Variants in WRN observed in about 807,000 individuals in gnomAD.
WRN encodes the protein WRN RecQ like helicase, also known as bifunctional 3'-5' exonuclease/ATP-dependent helicase WRN.
In WRN, 149 loss-of-function variants were observed where a neutral mutation model predicts 180.7. That is an observed-to-expected ratio of 0.82 (90% CI 0.72 to 0.94). WRN has a LOEUF of 0.94. Ranked by LOEUF, WRN falls within the 40% of genes least tolerant of loss-of-function variation. WRN has a pLI of 0.00. For synonymous variants in WRN, 548 were observed against 568.9 expected, an observed-to-expected ratio of 0.96 and a Z score of 0.52; for missense variants, 1,661 against 1,700.1, an observed-to-expected ratio of 0.98 and a Z score of 0.40.
At chr8:31,134,951 A>G (rs1440993133) in intron 24 of WRN, among the ~76,000 whole-genome samples, 1 of 152,168 alleles carries the variant, frequency 6.6e-6, no homozygotes, top group African/African-American at 2.4e-5. Flanking sequence ...CTGAAGCTCT[A>G]AAGTTGCAGC....
chr8:31,174,844 C>CCTCT lies in WRN; in HGVS notation c.*1745_*1746insTCTC, dbSNP rs1804228600. 7.3e-6 allele frequency among the ~76,000 whole-genome samples: 1 copy of CCTCT among 137,624 alleles called. No homozygotes were observed. The highest frequency in any genetic ancestry group is 1.6e-5 in the Non-Finnish European group (1 of 62,892). 90.3% of individuals were successfully genotyped at this position (137,624 alleles called of 152,430 possible). On this transcript the variant is annotated 3_prime_UTR_variant, in exon 35 of 35. Transcript: ENST00000298139. Reference sequence around the variant, plus strand: ...TCCTCCCTCCCTCCCTCCCTCCCTCCCTCCCTCCTTTCTTTTTCTTTCTCT... The same window carrying CCTCT: ...TCCTCCCTCCCTCCCTCCCTCCCTCCCTCTCTCCCTCCTTTCTTTTTCTTTCTCT...
At chr8:31,130,204 T>C (rs1011415902) in intron 23 of WRN, among the ~76,000 whole-genome samples, 1 of 151,950 alleles carries the variant, frequency 6.6e-6, no homozygotes, top group African/African-American at 2.4e-5. Flanking sequence ...AGAGGCAACA[T>C]TGAATAGTAC....
intron 18 of WRN, among the ~76,000 whole-genome samples, chr8:31,104,047 T>C (rs1362409472): frequency 6.6e-6 from 1 of 152,220 alleles, no homozygotes; most frequent in African/African-American, 2.4e-5. Context: ...AGAGATTCTT[T>C]AATGGGTGAA....
chr8:31,110,953 A>G (rs1801289955), intron 18 of WRN, among the ~76,000 whole-genome samples: 1 of 152,210 alleles, frequency 6.6e-6, no homozygotes, highest in Non-Finnish European at 1.5e-5. Flanking sequence ...GCTTTTCCTG[A>G]TAACTGCTGA....
At chr8:31,152,880 A>G (rs1278976365) in intron 31 of WRN, among the ~76,000 whole-genome samples, 1 of 152,122 alleles carries the variant, frequency 6.6e-6, no homozygotes, top group South Asian at 2.1e-4. Flanking sequence ...CTCTACAAAA[A>G]CAATTTCTTA....
At chr8:31,169,400 A>C (rs1804019904) in intron 34 of WRN, among the ~76,000 whole-genome samples, 2 of 151,844 alleles carry the variant, frequency 1.3e-5, no homozygotes, top group Admixed American at 6.5e-5. Context: ...GACTTCTATA[A>C]TTTTTTTCTT....
At chr8:31,065,955 T>C (rs1306906358) in intron 5 of WRN, among the ~76,000 whole-genome samples, 1 of 149,866 alleles carries the variant, frequency 6.7e-6, no homozygotes, top group African/African-American at 2.5e-5. Flanking sequence ...CTCAGCTCAC[T>C]GCAACCTCCA....
At chr8:31,142,038 C>G (rs1802659425) in intron 26 of WRN, among the ~76,000 whole-genome samples, 1 of 152,016 alleles carries the variant, frequency 6.6e-6, no homozygotes. Flanking sequence ...CAGCCTCGAT[C>G]TCGTGGGCCC....
intron 9 of WRN, 102 bp from the exon 10 acceptor site, chr8:31,083,597 G>A: frequency 1.2e-6 from 1 of 823,950 alleles, no homozygotes; most frequent in Non-Finnish European, 2.0e-6. Flanking sequence ...TAGGGAAGAG[G>A]AAGTTGTCTA....
Position 31,173,227 on chromosome 8 carries a change from T to A in WRN, c.*125T>A. On this transcript the variant is annotated 3_prime_UTR_variant, in exon 35 of 35. Transcript: ENST00000298139. ...CATTCTAATTACAAAGTTCACTGTT[T>A]ATTGAAGAACTGGCATCTTAAATCA... 1 of 974,780 alleles carries A rather than the reference T, an allele frequency of 1.0e-6. No homozygotes were observed. The allele number at this position is 974,780 out of a possible 1,614,324, so 60.4% of individuals were successfully genotyped here.
intron 23 of WRN, among the ~76,000 whole-genome samples, chr8:31,127,314 A>G (rs1042113917): frequency 1.3e-5 from 2 of 152,226 alleles, no homozygotes; most frequent in African/African-American, 4.8e-5. Flanking sequence ...TTGGAGTGAT[A>G]GATTTATCGT....
In WRN at chr8:31,124,617, G is replaced by C; in HGVS notation, c.2726G>C (p.Arg909Thr). The C allele has an allele frequency of 6.2e-7, 1 of 1,607,722 alleles. No individual in the cohort carries two copies. The change falls in exon 22 of 35, where the codon AGG (arginine) becomes ACG (threonine). Residue 909 changes from arginine to threonine, a missense_variant. By Grantham distance (71) the Arg-to-Thr change is moderately conservative. This residue lies in a region of WRN where 1,141 missense variants were observed against 1,149.4 expected (regional missense o/e 0.99). Transcript: ENST00000298139. ...MEKYLHSSRC[R>T]RQIILSHFED... Reference sequence around the variant, plus strand: ...AAATATCTTCATTCTAGCAGATGTAGGAGACAGTATGTATTATTTATTTTA... The same window carrying C: ...AAATATCTTCATTCTAGCAGATGTACGAGACAGTATGTATTATTTATTTTA...
At chr8:31,145,397 A>G (rs73583774) in intron 28 of WRN, among the ~76,000 whole-genome samples, 1 of 152,214 alleles carries the variant, frequency 6.6e-6, no homozygotes, top group African/African-American at 2.4e-5. Flanking sequence ...TGCTACATAC[A>G]TGTAACAACA....
intron 23 of WRN, among the ~76,000 whole-genome samples, chr8:31,127,616 C>G (rs1394698985): frequency 2.0e-5 from 3 of 151,730 alleles, no homozygotes; most frequent in Non-Finnish European, 1.5e-5. Flanking sequence ...AAAATACAAC[C>G]AACAAACAGT....
At chr8:31,077,216 A>G (rs1427071612) in intron 8 of WRN, among the ~76,000 whole-genome samples, 1 of 152,132 alleles carries the variant, frequency 6.6e-6, no homozygotes, top group Non-Finnish European at 1.5e-5. Flanking sequence ...GTAATTTTTA[A>G]TGCAACTTGG....
At chr8:31,103,997 GTGCTGGGATTAC>G (rs1362142971) in intron 18 of WRN, among the ~76,000 whole-genome samples, 1 of 152,152 alleles carries the variant, frequency 6.6e-6, no homozygotes, top group Admixed American at 6.5e-5. Context: ...GCCTCCCAAA[GTGCTGGGATTAC>G]AGGCGTGAGC....
At chr8:31,100,409 T>G (rs1425751979) in intron 17 of WRN, among the ~76,000 whole-genome samples, 2 of 152,224 alleles carry the variant, frequency 1.3e-5, no homozygotes, top group African/African-American at 2.4e-5. Context: ...ATATGATATG[T>G]GATCAATCAT....
intron 33 of WRN, among the ~76,000 whole-genome samples, chr8:31,161,056 AT>A (rs1216055041): frequency 1.4e-5 from 2 of 144,242 alleles, no homozygotes; most frequent in Non-Finnish European, 3.0e-5. Context: ...CATTTTTGCT[AT>A]CATTTAGCTG....
intron 27 of WRN, among the ~76,000 whole-genome samples, chr8:31,143,052 C>CACACACACACACACACACAT (rs1272452345): frequency 0.016 from 1,046 of 65,410 alleles, 5 homozygotes; most frequent in Non-Finnish European, 0.022. Flanking sequence ...CACACACACA[C>CACACACACACACACACACAT]ACATTCTCTC....
Sources: allele counts gnomAD v4.1 joint callset (sites outside exome capture counted in the v4.1 genomes callset), GRCh38; gene constraint gnomAD v4.1.1; regional missense constraint gnomAD v4.1.1; transcripts MANE v1.5; gene names NCBI Gene and HGNC (gene_info 2026-07-23, HGNC 2026-07-21).